Variants in MYO1A observed in about 807,000 individuals in gnomAD.
MYO1A encodes the protein unconventional myosin-Ia.
MYO1A carries 127 observed loss-of-function variants against 138.5 expected under a neutral mutation model. That is an observed-to-expected ratio of 0.92 (90% confidence interval 0.79 to 1.06). The LOEUF is 1.06. Ranked by LOEUF, MYO1A falls within the 50% of genes least tolerant of loss-of-function variation. The probability of loss-of-function intolerance (pLI) is 0.00; values close to 1 mark genes in which losing one functional copy is unlikely to be tolerated. For synonymous variants in MYO1A, 477 were observed against 497.5 expected, an observed-to-expected ratio of 0.96 and a Z score of 0.55; for missense variants, 1,211 against 1,288.8, an observed-to-expected ratio of 0.94 and a Z score of 0.92.
Position 57,028,807 on chromosome 12 carries a change from T to C in MYO1A, c.3080A>G (p.Lys1027Arg). The change falls in exon 28 of 28, where the codon AAG becomes AGG. Residue 1027 changes from lysine (K) to arginine (R), a missense_variant. Physicochemically the swap from Lys to Arg is conservative, Grantham distance 26 (BLOSUM62 2). Transcript: ENST00000300119. The stretch of plus-strand genomic sequence containing the variant: ...ACTCCCCTTTTTTTTGTAGCGTAGC[T>C]TGCTGTTGTCACCACCTGCAGGGCC... Reference protein sequence around the residue: ...VQGPAGGDNSKLRYKKKGSHC... With the variant: ...VQGPAGGDNSRLRYKKKGSHC... 1 of 1,614,098 alleles carries C rather than the reference T, an allele frequency of 6.2e-7. No individual in the cohort carries two copies. The highest frequency in any genetic ancestry group is 8.5e-7 in the Non-Finnish European group (1 of 1,180,006).
At chr12:57,033,791 AT>A (rs1242860213) in intron 22 of MYO1A, among the ~76,000 whole-genome samples, 5 of 152,228 alleles carry the variant, frequency 3.3e-5, no homozygotes, top group African/African-American at 1.2e-4. Context: ...TTACTAAGAT[AT>A]CAGGTTAAAA....
At chr12:57,029,098 T>A in intron 27 of MYO1A, 34 bp downstream of exon 27, 1 of 1,614,020 alleles carries the variant, frequency 6.2e-7, no homozygotes, top group South Asian at 1.1e-5. Context: ...CCATCTACCG[T>A]AAGCCGCCCC....
Position 57,044,285 on chromosome 12 carries a change from C to A in MYO1A, c.641-76G>T, listed in dbSNP as rs533176928. On this transcript the variant is annotated intron_variant, in intron 8 of 27. Coordinates refer to ENST00000300119, the MANE Select transcript of MYO1A (RefSeq NM_005379.4). ...CCCTCCAGCCTTGACACCTCACAGCCCTTGCCCTAATGGATTCATTCACTT... is the reference window on the plus strand; with the variant it reads ...CCCTCCAGCCTTGACACCTCACAGCACTTGCCCTAATGGATTCATTCACTT... The A allele has an allele frequency of 6.9e-6, 8 of 1,157,950 alleles. No individual in the cohort carries two copies. The East Asian group carries it at 1.7e-4, about 25-fold the overall frequency. The allele number at this position is 1,157,950 out of a possible 1,614,324, so 71.7% of individuals were successfully genotyped here.
Position 57,038,848 on chromosome 12 carries a change from C to CA in MYO1A, c.1493dup (p.Met498IlefsTer24), listed in dbSNP as rs2030722159. 6.2e-7 allele frequency: 1 copy of CA among 1,614,084 alleles called. No individual in the cohort carries two copies. Among genetic ancestry groups the CA allele is most frequent in the African/African-American group, 1.3e-5 (1 of 74,924 alleles). ...GGCAGATGCGGAAGCAGCTGAGGCCCATGGTGTGGTCATACTGACGCTGGG... is the reference window on the plus strand; with the variant it reads ...GGCAGATGCGGAAGCAGCTGAGGCCCAATGGTGTGGTCATACTGACGCTGGG... On this transcript the variant is annotated frameshift_variant, in exon 16 of 28. Transcript: ENST00000300119. LOFTEE classifies it high-confidence loss of function.
At chr12:57,040,770 T>C (rs2030821786) in intron 14 of MYO1A, among the ~76,000 whole-genome samples, 1 of 152,162 alleles carries the variant, frequency 6.6e-6, no homozygotes, top group African/African-American at 2.4e-5. Context: ...TGAGGAAGTC[T>C]GGGATCATGG....
chr12:57,043,724 G>C (rs1298601381), intron 10 of MYO1A, 132 bp downstream of exon 10: 1 of 1,184,942 alleles, frequency 8.4e-7, no homozygotes, highest in South Asian at 1.3e-5. Flanking sequence ...TCTGTTTAGG[G>C]GAGAACTCAG....
chr12:57,031,473 A>G (rs2030282886), intron 22 of MYO1A, among the ~76,000 whole-genome samples: 1 of 152,186 alleles, frequency 6.6e-6, no homozygotes, highest in Non-Finnish European at 1.5e-5. Flanking sequence ...AGCTGGTCTC[A>G]AAGTTTTGCT....
chr12:57,041,107 G>T, intron 14 of MYO1A, 77 bp downstream of exon 14: 1 of 1,077,578 alleles, frequency 9.3e-7, no homozygotes, highest in Non-Finnish European at 1.4e-6. Flanking sequence ...AGAGGAAATT[G>T]TGATCAAGGA....
chr12:57,036,839 T>C lies in MYO1A; in HGVS notation c.2207A>G (p.Gln736Arg), dbSNP rs1329280281. 3.7e-6 allele frequency: 6 copies of C among 1,614,228 alleles called. No individual in the cohort carries two copies. Among genetic ancestry groups the C allele is most frequent in the Non-Finnish European group, 5.1e-6 (6 of 1,180,036 alleles). Residue 736 changes from glutamine to arginine, a missense_variant and splice_region_variant, in exon 21 of 28, where the codon CAA (glutamine) becomes CGA (arginine). By Grantham distance (43) the Gln-to-Arg change is conservative (BLOSUM62 1). Coordinates refer to ENST00000300119, the MANE Select transcript of MYO1A (RefSeq NM_005379.4). Reference sequence around the variant, plus strand: ...CTTTATCTTCCCATAGCATTTCTTTTGCTGTAGAAAACATAGGAGTTGTTA... The same window carrying C: ...CTTTATCTTCCCATAGCATTTCTTTCGCTGTAGAAAACATAGGAGTTGTTA... ...LISSWFRGNMQKKCYGKIKAS... is the reference protein window; with the variant it reads ...LISSWFRGNMRKKCYGKIKAS...
In MYO1A at chr12:57,037,077, T is replaced by C. The variant is rs777724048; in HGVS notation, c.2070A>G (p.Glu690=). The C allele has an allele frequency of 9.3e-6, 15 of 1,614,148 alleles. No individual in the cohort carries two copies. The South Asian group carries it at 1.5e-4, about 17-fold the overall frequency. ...GCTGGAGTCTCAGGCGCCTCTGTTC[T>C]TCGAGGTAGAAAAGCTGTGGAGAGG... is the stretch of plus-strand genomic sequence containing the variant. ...IRSPKTLFYL[E]EQRRLRLQQL... Residue 690 remains glutamate (E), a synonymous_variant, in exon 20 of 28, where the codon GAA becomes GAG. Transcript: ENST00000300119.
chr12:57,034,322 T>C (rs559831622), intron 22 of MYO1A, among the ~76,000 whole-genome samples: 15 of 152,358 alleles, frequency 9.8e-5, no homozygotes, highest in African/African-American at 3.6e-4. Context: ...CACAGGGTTA[T>C]TGAAAGTATT....
In MYO1A at chr12:57,047,079, G is replaced by C; in HGVS notation, c.459C>G (p.Asn153Lys). 6.2e-7 allele frequency: 1 copy of C among 1,614,206 alleles called. No homozygotes were observed. Among genetic ancestry groups the C allele is most frequent in the Non-Finnish European group, 8.5e-7 (1 of 1,180,040 alleles). Reference sequence around the variant, plus strand: ...TACTCACAAATCGGGAGGAATTGTTGTTGCGAATGGTCTTGGCATTGCCAA... The same window carrying C: ...TACTCACAAATCGGGAGGAATTGTTCTTGCGAATGGTCTTGGCATTGCCAA... ...EAFGNAKTIRNNNSSRFGKYM... is the reference protein window; with the variant it reads ...EAFGNAKTIRKNNSSRFGKYM... The change falls in exon 6 of 28, where the codon AAC (asparagine) becomes AAG (lysine). Residue 153 changes from asparagine to lysine, a missense_variant. Asn to Lys is a moderately conservative substitution (Grantham distance 94, BLOSUM62 0). Transcript: ENST00000300119.
intron 22 of MYO1A, among the ~76,000 whole-genome samples, chr12:57,031,797 T>C (rs1479072185): frequency 1.3e-5 from 2 of 152,134 alleles, no homozygotes; most frequent in Non-Finnish European, 2.9e-5. Flanking sequence ...ATAGTCAGGG[T>C]CCTAACCACG....
chr12:57,031,181 T>G lies in MYO1A; in HGVS notation c.2350-7A>C, dbSNP rs768189177. ...CCAGTAGGAATTTCTGTACCTAGTT[T>G]GGGACCAGGGGGATTGGGAGTGGAG... On this transcript the variant is annotated splice_region_variant and splice_polypyrimidine_tract_variant and intron_variant, in intron 22 of 27. Transcript: ENST00000300119. 6.2e-7 allele frequency: 1 copy of G among 1,614,126 alleles called. No individual in the cohort carries two copies.
At position 57,043,871 on chromosome 12, in the gene MYO1A, T is replaced by C; in HGVS notation, c.877A>G (p.Ile293Val). The change falls in exon 10 of 28, where the codon ATC (isoleucine) becomes GTC (valine). Residue 293 changes from isoleucine (I) to valine (V), a missense_variant. Coordinates refer to ENST00000300119, the MANE Select transcript of MYO1A (RefSeq NM_005379.4). ...GGATGCAGACCTCTCCCATCACGGA[T>C]GCCACTTGCTGGTATCCCACTGGCC... ...FQASGIPASG[I>V]RDGRGVREIG... The C allele has an allele frequency of 5.0e-6, 8 of 1,614,114 alleles. No individual in the cohort carries two copies. Among genetic ancestry groups the C allele is most frequent in the Non-Finnish European group, 6.8e-6 (8 of 1,180,000 alleles).
chr12:57,030,078 G>C, intron 24 of MYO1A, 132 bp downstream of exon 24: 1 of 1,211,716 alleles, frequency 8.3e-7, no homozygotes, highest in East Asian at 2.4e-5. Flanking sequence ...CCCAAGACCT[G>C]CTGGATCAGA....
At position 57,037,904 on chromosome 12, in the gene MYO1A, G is replaced by A. The variant is rs1477294210; in HGVS notation, c.1926C>T (p.Ser642=). The change falls in exon 18 of 28, where the codon AGC becomes AGT. Residue 642 remains serine, a synonymous_variant. Transcript: ENST00000300119. Reference sequence around the variant, plus strand: ...CATTCCAGTGAGGCCAGGTGCTCCGGCTCAGCAATCGGTACCTTTCCAGGA... The same window carrying A: ...CATTCCAGTGAGGCCAGGTGCTCCGACTCAGCAATCGGTACCTTTCCAGGA... ...GPFLERYRLL[S]RSTWPHWNGG... The A allele has an allele frequency of 1.2e-6, 2 of 1,614,162 alleles. No homozygotes were observed. The highest frequency in any genetic ancestry group is 1.7e-4 in the Middle Eastern group (1 of 6,056).
In MYO1A at chr12:57,048,356, G is replaced by T. The variant is rs541374794; in HGVS notation, c.-20-13C>A. 1 of 1,509,040 alleles carries T rather than the reference G, an allele frequency of 6.6e-7. No individual in the cohort carries two copies. The highest frequency in any genetic ancestry group is 9.2e-7 in the Non-Finnish European group (1 of 1,085,568). The allele number at this position is 1,509,040 out of a possible 1,614,324, so 93.5% of individuals were successfully genotyped here. On this transcript the variant is annotated splice_polypyrimidine_tract_variant and intron_variant, in intron 1 of 27. Transcript: ENST00000300119. ...GGGGCCACTGATCCTGGGAATAAGAGGCACAGTTTGCTGATGTCCACTCAG... is the reference window on the plus strand; with the variant it reads ...GGGGCCACTGATCCTGGGAATAAGATGCACAGTTTGCTGATGTCCACTCAG...
intron 22 of MYO1A, among the ~76,000 whole-genome samples, chr12:57,035,351 A>G (rs919137777): frequency 6.6e-6 from 1 of 152,224 alleles, no homozygotes; most frequent in African/African-American, 2.4e-5. Flanking sequence ...TTCCCTGGGA[A>G]GGGGAAGAGG....
Sources: allele counts gnomAD v4.1 joint callset (sites outside exome capture counted in the v4.1 genomes callset), GRCh38; gene constraint gnomAD v4.1.1; transcripts MANE v1.5; gene names NCBI Gene and HGNC (gene_info 2026-07-23, HGNC 2026-07-21).